The following NHSL2 variants were observed in gnomAD, a reference collection of about 807,000 sequenced individuals.
NHSL2 encodes the protein NHS like 2.
In NHSL2, 27 loss-of-function variants were observed where a neutral mutation model predicts 53.4. The ratio of observed to expected loss-of-function variants is 0.51; its 90% CI spans 0.37 to 0.70. The LOEUF (loss-of-function observed/expected upper bound fraction) is 0.70. NHSL2 is among the 30% of genes least tolerant of loss of function. NHSL2 has a pLI of 0.00. For synonymous variants in NHSL2, 408 were observed against 404.1 expected (o/e 1.01, Z -0.12); for missense variants, 892 against 980.1 (o/e 0.91, Z 1.20).
intron 1 of NHSL2, among the ~76,000 whole-genome samples, chrX:71,995,467 C>T (rs2042046029): frequency 8.9e-6 from 1 of 112,212 alleles, no homozygotes; most frequent in Non-Finnish European, 1.9e-5. Context: ...ACCTCACCTC[C>T]TGCTCTCCTG....
At chrX:72,039,803 A>C (rs1022113937) in intron 1 of NHSL2, among the ~76,000 whole-genome samples, 8 of 111,892 alleles carry the variant, frequency 7.1e-5, no homozygotes, top group African/African-American at 2.6e-4. Context: ...AGTCTGCAGT[A>C]CATGACATAC....
In NHSL2 at chrX:72,149,900, CTT is replaced by C. The variant is rs762858170; in HGVS notation, c.*6327_*6328del. 3.6e-5 allele frequency: 4 copies of C among 112,431 alleles called. No individual in the cohort carries two copies. The highest frequency in any genetic ancestry group is 2.8e-4 in the Admixed American group (3 of 10,617). The allele number at this position is 112,431 out of a possible 1,213,427, so 9.3% of individuals were successfully genotyped here. On this transcript the variant is annotated 3_prime_UTR_variant, in exon 8 of 8. Coordinates refer to ENST00000633930, the MANE Select transcript of NHSL2 (RefSeq NM_001013627.3). ...GCTGAGGCCCAGAAAGGTCAAATAACTTATATACAAGGTCACACAGTGAGTCA... is the reference window on the plus strand; with the variant it reads ...GCTGAGGCCCAGAAAGGTCAAATAACATATACAAGGTCACACAGTGAGTCA...
intron 1 of NHSL2, among the ~76,000 whole-genome samples, chrX:72,075,469 C>T (rs1216043939): frequency 8.9e-6 from 1 of 112,263 alleles, no homozygotes; most frequent in Non-Finnish European, 1.9e-5. Flanking sequence ...GTGCTGGGTG[C>T]CATTGAAATC....
intron 1 of NHSL2, among the ~76,000 whole-genome samples, chrX:72,121,565 G>A (rs1289821155): frequency 4.5e-5 from 5 of 111,830 alleles, no homozygotes; most frequent in African/African-American, 1.6e-4. Context: ...AGGACCAAGA[G>A]GAAGAGGGAG....
intron 1 of NHSL2, among the ~76,000 whole-genome samples, chrX:72,028,140 G>A (rs907992230): frequency 1.8e-5 from 2 of 112,574 alleles, no homozygotes; most frequent in South Asian, 3.7e-4. Flanking sequence ...TAAGGTGAAT[G>A]GGATTCAGTC....
intron 1 of NHSL2, among the ~76,000 whole-genome samples, chrX:72,076,778 C>T (rs1422770103): frequency 1.8e-5 from 2 of 112,245 alleles, no homozygotes; most frequent in East Asian, 2.8e-4. Context: ...AGTGCCATCT[C>T]CAGTCATGTG....
intron 1 of NHSL2, among the ~76,000 whole-genome samples, chrX:72,054,320 C>T (rs1284878797): frequency 2.7e-5 from 3 of 111,256 alleles, no homozygotes; most frequent in African/African-American, 9.8e-5. Flanking sequence ...ATCTCCACTC[C>T]CATCTCTCCA....
intron 1 of NHSL2, among the ~76,000 whole-genome samples, chrX:72,049,079 GGGAGGAGGA>G (rs774267618): frequency 2.7e-5 from 3 of 109,231 alleles, no homozygotes; most frequent in East Asian, 2.9e-4. Context: ...GGAGGAGGAG[GGGAGGAGGA>G]GGAGGAGGAT....
chrX:71,979,223 G>A (rs1237891693), intron 1 of NHSL2, among the ~76,000 whole-genome samples: 2 of 110,602 alleles, frequency 1.8e-5, no homozygotes, highest in East Asian at 2.8e-4. Context: ...GTAAACATAC[G>A]TGTGCATGTG....
At chrX:72,043,776 T>C (rs1233001163) in intron 1 of NHSL2, among the ~76,000 whole-genome samples, 1 of 111,874 alleles carries the variant, frequency 8.9e-6, no homozygotes, top group Non-Finnish European at 1.9e-5. Flanking sequence ...TCCTGAGCCC[T>C]TGTTTTTCCC....
intron 1 of NHSL2, among the ~76,000 whole-genome samples, chrX:71,986,089 A>G (rs1260509512): frequency 8.9e-6 from 1 of 111,796 alleles, no homozygotes; most frequent in South Asian, 3.7e-4. Flanking sequence ...TTTTGAACAC[A>G]TACCAATAAC....
intron 1 of NHSL2, among the ~76,000 whole-genome samples, chrX:71,933,821 T>A (rs1272194397): frequency 9.0e-6 from 1 of 111,544 alleles, no homozygotes; most frequent in African/African-American, 3.3e-5. Flanking sequence ...TTTGGCCAGC[T>A]TGGTTCACCA....
At chrX:72,069,504 G>A in intron 1 of NHSL2, 1 of 126,683 alleles carries the variant, frequency 7.9e-6, no homozygotes, top group Non-Finnish European at 1.5e-5. Flanking sequence ...GTACAATTCT[G>A]TGCCAGGGGC....
chrX:71,982,224 A>G lies in NHSL2; in HGVS notation c.280+70857A>G, dbSNP rs371946162. On this transcript the variant is annotated intron_variant, in intron 1 of 7. Coordinates refer to ENST00000633930, the MANE Select transcript of NHSL2 (RefSeq NM_001013627.3). ...AGGCTAAGCAAAAGAAGCCAGACAC[A>G]AAGCCCATATACTGTATGATTCCAT... 7.1e-5 allele frequency among the ~76,000 whole-genome samples: 8 copies of G among 112,381 alleles called. No individual in the cohort carries two copies. In the East Asian group the frequency reaches 2.2e-3, roughly 31 times the overall value.
In NHSL2 at chrX:71,977,413, G is replaced by GTC. The variant is rs1329321803; in HGVS notation, c.280+66058_280+66059dup. The stretch of plus-strand genomic sequence containing the variant: ...ATATATGTGCTCAAACTTGGTGGCA[G>GTC]TCTCTCTCTCTCTTTTTTTTTTTTT... On this transcript the variant is annotated intron_variant, in intron 1 of 7. Coordinates refer to ENST00000633930, the MANE Select transcript of NHSL2 (RefSeq NM_001013627.3). 4.4e-4 allele frequency among the ~76,000 whole-genome samples: 41 copies of GTC among 92,551 alleles called. 1 individual carries two copies. Among genetic ancestry groups the GTC allele is most frequent in the Admixed American group, 4.3e-3 (31 of 7,292 alleles). The allele number at this position is 92,551 out of a possible 115,157, so 80.4% of individuals were successfully genotyped here. A position where few individuals can be genotyped will look rare whatever the true frequency, so the allele number is the denominator to read the frequency against.
At chrX:72,015,833 T>A (rs1288196772) in intron 1 of NHSL2, among the ~76,000 whole-genome samples, 1 of 112,644 alleles carries the variant, frequency 8.9e-6, no homozygotes, top group Non-Finnish European at 1.9e-5. Context: ...TATTTTGAGT[T>A]GTTTACCTTT....
intron 1 of NHSL2, among the ~76,000 whole-genome samples, chrX:71,915,448 G>C (rs6624584): frequency 0.054 from 6,005 of 111,857 alleles, 219 homozygotes; most frequent in East Asian, 0.3. Flanking sequence ...CACCCAGCTG[G>C]ATCAAGACCT....
chrX:72,131,970 C>G (rs2147513222), intron 1 of NHSL2, 109 bp from the exon 2 acceptor site: 1 of 774,173 alleles, frequency 1.3e-6, no homozygotes, highest in Admixed American at 3.0e-5. Flanking sequence ...TCGCACTCCC[C>G]CCACCCCACG....
At chrX:72,060,318 T>C (rs2042392897) in intron 1 of NHSL2, among the ~76,000 whole-genome samples, 1 of 111,920 alleles carries the variant, frequency 8.9e-6, no homozygotes, top group African/African-American at 3.3e-5. Context: ...AATTCATTTT[T>C]CTCCCTCCCC....
Sources: allele counts gnomAD v4.1 joint callset (sites outside exome capture counted in the v4.1 genomes callset), GRCh38; gene constraint gnomAD v4.1.1; transcripts MANE v1.5; gene names NCBI Gene and HGNC (gene_info 2026-07-23, HGNC 2026-07-21).